PCDH1: variants seen among roughly 807,000 people sequenced by gnomAD.
PCDH1 encodes protocadherin-1.
PCDH1 carries 23 observed loss-of-function variants against 74.6 expected under a neutral mutation model. The observed-to-expected ratio is 0.31, with a 90% confidence interval of 0.22 to 0.44. The LOEUF is 0.44. PCDH1 is among the 20% of genes least tolerant of loss of function. The probability of loss-of-function intolerance (pLI) is 1.00; values close to 1 mark genes in which losing one functional copy is unlikely to be tolerated. For missense variants in PCDH1, 1,214 were observed against 1,641.4 expected, an observed-to-expected ratio of 0.74 and a Z score of 4.50; for synonymous variants, 647 against 686.1, an observed-to-expected ratio of 0.94 and a Z score of 0.89.
chr5:141,859,937 C>T (rs1289433566), intron 3 of PCDH1, among the ~76,000 whole-genome samples: 2 of 152,208 alleles, frequency 1.3e-5, no homozygotes, highest in Admixed American at 1.3e-4. Context: ...CTTCCAGTCT[C>T]ATCTTTCAGC....
intron 4 of PCDH1, 144 bp downstream of exon 4, chr5:141,857,108 C>A: frequency 1.6e-6 from 1 of 617,100 alleles, no homozygotes; most frequent in East Asian, 3.0e-5. Context: ...GGATTAAATG[C>A]GTGTATACCT....
chr5:141,858,753 C>T (rs544361310), intron 3 of PCDH1, among the ~76,000 whole-genome samples: 40 of 152,248 alleles, frequency 2.6e-4, no homozygotes, highest in Middle Eastern at 3.4e-3. Flanking sequence ...CAGCTAAGCC[C>T]AGGGCCCTGC....
chr5:141,861,804 C>G (rs1260014605), intron 3 of PCDH1, among the ~76,000 whole-genome samples: 1 of 151,732 alleles, frequency 6.6e-6, no homozygotes, highest in Non-Finnish European at 1.5e-5. Flanking sequence ...AGCCTTCCTC[C>G]AACTCAGGCA....
intron 2 of PCDH1, chr5:141,866,246 G>A (rs868675758): frequency 4.1e-5 from 40 of 985,314 alleles, no homozygotes; most frequent in Middle Eastern, 1.0e-3. Context: ...GCACCAATGC[G>A]AGGAATCCGG....
At position 141,864,188 on chromosome 5, in the gene PCDH1, T is replaced by G. The variant is rs754386102; in HGVS notation, c.2143A>C (p.Ile715Leu). 1 of 1,607,164 alleles carries G rather than the reference T, an allele frequency of 6.2e-7. No homozygotes were observed. Among genetic ancestry groups the G allele is most frequent in the Non-Finnish European group, 8.5e-7 (1 of 1,174,868 alleles). Reference sequence around the variant, plus strand: ...TGAGAGGTGTTAGAAGGGGCAGTGATATAGGGTGCGTTGTCATTCTCGTCC... The same window carrying G: ...TGAGAGGTGTTAGAAGGGGCAGTGAGATAGGGTGCGTTGTCATTCTCGTCC... ...VLDENDNAPY[I>L]TAPSNTSHKL... is the part of the protein sequence containing the mutation. Residue 715 changes from isoleucine (I) to leucine (L), a missense_variant, in exon 3 of 5, where the codon ATC (isoleucine) becomes CTC (leucine). Ile to Leu is a conservative substitution (Grantham distance 5). This residue lies in a region of PCDH1 where 836 missense variants were observed against 1,182.2 expected (regional missense o/e 0.71). Coordinates refer to ENST00000287008, the MANE Select transcript of PCDH1 (RefSeq NM_032420.5). The surrounding 1 kb of genome is among the most constrained non-coding windows in gnomAD (Gnocchi z 5.9).
intron 1 of PCDH1, among the ~76,000 whole-genome samples, chr5:141,876,227 G>A (rs1281074387): frequency 6.6e-6 from 1 of 152,210 alleles, no homozygotes; most frequent in East Asian, 1.9e-4. Context: ...GGAACCCAAG[G>A]CAAGGCTAGG....
In PCDH1 at chr5:141,865,427, C is replaced by T. The variant is rs200438003; in HGVS notation, c.904G>A (p.Val302Met). ...NSPIGHSVIQVKANDSDQGAN... is the reference protein window; with the variant it reads ...NSPIGHSVIQMKANDSDQGAN... ...CCTTGGTCTGAGTCATTGGCCTTCA[C>T]CTATAGGGCAGGAGAGAAAAACAAG... Residue 302 changes from valine (V) to methionine (M), a missense_variant and splice_region_variant, in exon 3 of 5, where the codon GTG becomes ATG. Val to Met is a conservative substitution (Grantham distance 21). Transcript: ENST00000287008. This position sits in a 1 kb window ranked among gnomAD's most constrained non-coding sequence, Gnocchi z 4.4. The T allele has an allele frequency of 2.7e-5, 44 of 1,611,222 alleles. No individual in the cohort carries two copies. The Admixed American group carries it at 6.3e-4, about 23-fold the overall frequency.
intron 3 of PCDH1, chr5:141,862,891 C>T: frequency 8.3e-7 from 1 of 1,198,780 alleles, no homozygotes; most frequent in Non-Finnish European, 1.0e-6. Flanking sequence ...GACTTCTTAC[C>T]CATTTCCCTC....
Position 141,869,611 on chromosome 5 carries a change from C to A in PCDH1, c.41-180G>T. 2.0e-6 allele frequency: 3 copies of A among 1,534,760 alleles called. No homozygotes were observed. The highest frequency in any genetic ancestry group is 2.6e-6 in the Non-Finnish European group (3 of 1,146,712). Reference sequence around the variant, plus strand: ...TCAGATCCCTGAATCTCATCCACAGCTGGGTGTAGCAGCAGTGTCTGCCCC... The same window carrying A: ...TCAGATCCCTGAATCTCATCCACAGATGGGTGTAGCAGCAGTGTCTGCCCC... On this transcript the variant is annotated intron_variant, in intron 1 of 4. Coordinates refer to ENST00000287008, the MANE Select transcript of PCDH1 (RefSeq NM_032420.5). This position sits in a 1 kb window ranked among gnomAD's most constrained non-coding sequence, Gnocchi z 4.9.
intron 3 of PCDH1, among the ~76,000 whole-genome samples, chr5:141,860,032 G>C (rs909133091): frequency 2.0e-5 from 3 of 152,072 alleles, no homozygotes; most frequent in African/African-American, 7.3e-5. Flanking sequence ...TGCCGCAGGA[G>C]TTTGCTTACA....
rs113286726 is a variant in PCDH1 at position 141,871,872 on chromosome 5, G to A, written c.41-2441C>T. Among the ~76,000 whole-genome samples, 1,356 of 152,158 alleles carry A rather than the reference G, an allele frequency of 8.9e-3. 25 individuals are homozygous for A. The highest frequency in any genetic ancestry group is 0.031 in the African/African-American group (1,293 of 41,488). On this transcript the variant is annotated intron_variant, in intron 1 of 4. Coordinates refer to ENST00000287008, the MANE Select transcript of PCDH1 (RefSeq NM_032420.5). ...TGCTCTTTTACTTGCTCACTTACCCGATTCCCCTACACCACTAAGAACTTC... is the reference window on the plus strand; with the variant it reads ...TGCTCTTTTACTTGCTCACTTACCCAATTCCCCTACACCACTAAGAACTTC...
At position 141,860,043 on chromosome 5, in the gene PCDH1, C is replaced by T. The variant is rs941942174; in HGVS notation, c.3100-2572G>A. Among the ~76,000 whole-genome samples, 5 of 152,266 alleles carry T rather than the reference C, an allele frequency of 3.3e-5. No homozygotes were observed. The South Asian group carries it at 6.2e-4, about 19-fold the overall frequency. ...CTTCTGCCGCAGGAGTTTGCTTACA[C>T]GGTGACCCTGTGAGGAGGCAGGGGA... On this transcript the variant is annotated intron_variant, in intron 3 of 4. Coordinates refer to ENST00000287008, the MANE Select transcript of PCDH1 (RefSeq NM_032420.5).
At chr5:141,856,651 C>A (rs1478902729) in intron 4 of PCDH1, among the ~76,000 whole-genome samples, 1 of 151,892 alleles carries the variant, frequency 6.6e-6, no homozygotes, top group Non-Finnish European at 1.5e-5. Context: ...TTTTTGCCAT[C>A]ACCCTCCAAA....
chr5:141,876,974 G>A (rs574584709), intron 1 of PCDH1, among the ~76,000 whole-genome samples: 182 of 152,388 alleles, frequency 1.2e-3, no homozygotes, highest in Middle Eastern at 6.8e-3. Flanking sequence ...ACACCAGCCG[G>A]TTCGGCCCGG....
At position 141,857,477 on chromosome 5, in the gene PCDH1, G is replaced by C. The variant is rs1470354345; in HGVS notation, c.3100-6C>G. The C allele has an allele frequency of 6.2e-7, 1 of 1,612,210 alleles. No individual in the cohort carries two copies. Among genetic ancestry groups the C allele is most frequent in the East Asian group, 2.2e-5 (1 of 44,842 alleles). On this transcript the variant is annotated splice_polypyrimidine_tract_variant and splice_region_variant and intron_variant, in intron 3 of 4. Coordinates refer to ENST00000287008, the MANE Select transcript of PCDH1 (RefSeq NM_032420.5). ...GTGACGCGGCGGTGAGGTAACTGCA[G>C]GGAGACAGATTGTCACTACTGACCA...
At chr5:141,862,780 C>T in intron 3 of PCDH1, 1 of 1,030,556 alleles carries the variant, frequency 9.7e-7, no homozygotes, top group African/African-American at 1.7e-5. Flanking sequence ...CCTCCCCTGG[C>T]AGACTCCCCA....
Position 141,863,957 on chromosome 5 carries a change from C to T in PCDH1, c.2374G>A (p.Val792Met). 1 of 1,614,180 alleles carries T rather than the reference C, an allele frequency of 6.2e-7. No homozygotes were observed. Among genetic ancestry groups the T allele is most frequent in the Non-Finnish European group, 8.5e-7 (1 of 1,180,046 alleles). Residue 792 changes from valine to methionine, a missense_variant, in exon 3 of 5, where the codon GTG becomes ATG. Val to Met is a conservative substitution (Grantham distance 21). Transcript: ENST00000287008. This position sits in a 1 kb window ranked among gnomAD's most constrained non-coding sequence, Gnocchi z 7.5. ...GGCTTGCCGCGGTCACTGACCTTCA[C>T]CACCAGGCGGTGTAGCCCATGGTGG... ...RRHHGLHRLV[V>M]KVSDRGKPPR...
intron 3 of PCDH1, among the ~76,000 whole-genome samples, chr5:141,860,637 A>C (rs2126809466): frequency 6.6e-6 from 1 of 152,228 alleles, no homozygotes; most frequent in African/African-American, 2.4e-5. Context: ...CGCCTTTTTT[A>C]TAGCATAATA....
At chr5:141,872,575 A>C (rs1753121148) in intron 1 of PCDH1, among the ~76,000 whole-genome samples, 1 of 152,044 alleles carries the variant, frequency 6.6e-6, no homozygotes, top group Non-Finnish European at 1.5e-5. Flanking sequence ...ATGTGTGGCC[A>C]CTCCAAGAGC....
Sources: gnomAD v4.1 joint callset for allele counts (sites outside exome capture counted in the v4.1 genomes callset) on GRCh38, gnomAD v4.1.1 for gene constraint, gnomAD v4.1.1 regional missense constraint, Gnocchi (gnomAD v3.1) non-coding constraint, MANE v1.5 for transcripts, NCBI Gene and HGNC (gene_info 2026-07-23, HGNC 2026-07-21) for gene names.